Variants in ANXA7 observed in about 807,000 individuals in gnomAD.
ANXA7 encodes annexin A7, also known as annexin VII.
A neutral mutation model predicts 64.9 loss-of-function variants in ANXA7; 55 were observed. The observed-to-expected ratio is 0.85, with a 90% CI of 0.68 to 1.06. ANXA7 has a LOEUF of 1.06. ANXA7 is among the 50% of genes least tolerant of loss of function. ANXA7 has a pLI of 0.00. For synonymous variants in ANXA7, 200 were observed against 192.4 expected (o/e 1.04, Z -0.33); for missense variants, 548 against 582.1 (o/e 0.94, Z 0.60).
chr10:73,381,206 C>T (rs1055849113), intron 9 of ANXA7, among the ~76,000 whole-genome samples: 7 of 151,910 alleles, frequency 4.6e-5, no homozygotes, highest in African/African-American at 1.7e-4. Context: ...ACTCAGCCAT[C>T]GAATTATAAT....
At chr10:73,400,684 A>G in intron 2 of ANXA7, 119 bp downstream of exon 2, 2 of 725,262 alleles carry the variant, frequency 2.8e-6, no homozygotes, top group Non-Finnish European at 2.2e-6. Flanking sequence ...ACTTCTACGT[A>G]GTACCTCTGA....
chr10:73,403,749 A>G (rs1002799395), intron 1 of ANXA7, among the ~76,000 whole-genome samples: 2 of 152,234 alleles, frequency 1.3e-5, no homozygotes, highest in African/African-American at 4.8e-5. Context: ...GGGCTGTACC[A>G]ATTTGCATTT....
intron 1 of ANXA7, among the ~76,000 whole-genome samples, chr10:73,402,363 T>C (rs921947730): frequency 4.3e-5 from 6 of 139,332 alleles, no homozygotes; most frequent in African/African-American, 1.6e-4. Flanking sequence ...CCATGCCTGG[T>C]GAATTTTTGT....
At chr10:73,412,636 G>A (rs1239437301) in intron 1 of ANXA7, among the ~76,000 whole-genome samples, 1 of 151,460 alleles carries the variant, frequency 6.6e-6, no homozygotes, top group African/African-American at 2.4e-5. Flanking sequence ...TGGGATTACA[G>A]GCGCGCGCCA....
In ANXA7 at chr10:73,380,111, T is replaced by C; in HGVS notation, c.1009A>G (p.Thr337Ala). 1 of 1,614,158 alleles carries C rather than the reference T, an allele frequency of 6.2e-7. No homozygotes were observed. Among genetic ancestry groups the C allele is most frequent in the Non-Finnish European group, 8.5e-7 (1 of 1,180,022 alleles). Reference protein sequence around the residue: ...LYQAGEGRLGTDESCFNMILA... With the variant: ...LYQAGEGRLGADESCFNMILA... ...ATCATGTTAAAGCAAGATTCATCGG[T>C]CCCTAGTCTCCCCTCACCAGCTTGA... Residue 337 changes from threonine to alanine, a missense_variant, in exon 10 of 13, where the codon ACC becomes GCC. Thr to Ala is a moderately conservative substitution (Grantham distance 58). Coordinates refer to ENST00000372921, the MANE Select transcript of ANXA7 (RefSeq NM_001156.5).
At chr10:73,393,426 G>A (rs1479248609) in intron 5 of ANXA7, among the ~76,000 whole-genome samples, 1 of 152,156 alleles carries the variant, frequency 6.6e-6, no homozygotes, top group Non-Finnish European at 1.5e-5. Flanking sequence ...AAAGAACAAA[G>A]CTGGAGGCAT....
intron 1 of ANXA7, among the ~76,000 whole-genome samples, chr10:73,406,032 T>C (rs968357173): frequency 1.3e-5 from 2 of 152,032 alleles, no homozygotes; most frequent in African/African-American, 4.8e-5. Flanking sequence ...CTCGGCTCAC[T>C]GCAGCTTCCA....
At chr10:73,386,095 T>G (rs945209351) in intron 7 of ANXA7, among the ~76,000 whole-genome samples, 11 of 151,672 alleles carry the variant, frequency 7.3e-5, no homozygotes, top group African/African-American at 2.7e-4. Flanking sequence ...ACACCTATAA[T>G]TCCAGCTACT....
intron 2 of ANXA7, 128 bp downstream of exon 2, chr10:73,400,675 C>T: frequency 1.5e-6 from 1 of 669,838 alleles, no homozygotes; most frequent in South Asian, 2.8e-5. Flanking sequence ...CCTTTCCTCA[C>T]TTCTACGTAG....
At chr10:73,392,937 G>A (rs1198489819) in intron 5 of ANXA7, among the ~76,000 whole-genome samples, 1 of 152,178 alleles carries the variant, frequency 6.6e-6, no homozygotes, top group African/African-American at 2.4e-5. Context: ...TGACATGATT[G>A]TATATTTAGA....
intron 5 of ANXA7, 120 bp from the exon 6 acceptor site, chr10:73,388,534 A>C: frequency 1.4e-6 from 1 of 721,664 alleles, no homozygotes. Flanking sequence ...GTTTTAAGGC[A>C]AGGATATGAG....
At position 73,377,773 on chromosome 10, in the gene ANXA7, G is replaced by GGGGT. The variant is rs1554815379; in HGVS notation, c.1278+1137_1278+1138insACCC. ...ACTACCATGCCGGGGGGTGGGTGTG[G>GGGGT]GTGTGTGTGTGTGTGTGTGTGTGTG... On this transcript the variant is annotated intron_variant, in intron 12 of 12. Coordinates refer to ENST00000372921, the MANE Select transcript of ANXA7 (RefSeq NM_001156.5). Among the ~76,000 whole-genome samples, 707 of 124,834 alleles carry GGGGT rather than the reference G, an allele frequency of 5.7e-3. 33 individuals are homozygous for GGGGT. The highest frequency in any genetic ancestry group is 0.021 in the African/African-American group (661 of 31,108). The allele number at this position is 124,834 out of a possible 152,430, so 81.9% of individuals were successfully genotyped here.
At chr10:73,381,956 G>A (rs1251277980) in intron 9 of ANXA7, among the ~76,000 whole-genome samples, 3 of 151,096 alleles carry the variant, frequency 2.0e-5, no homozygotes, top group Non-Finnish European at 4.4e-5. Flanking sequence ...TCAGCTCACT[G>A]CAACCTCTGC....
intron 12 of ANXA7, among the ~76,000 whole-genome samples, chr10:73,376,533 T>C (rs1466250805): frequency 1.3e-5 from 2 of 152,176 alleles, no homozygotes; most frequent in Non-Finnish European, 2.9e-5. Context: ...AAGGATGCCA[T>C]GAAATGGGAA....
intron 5 of ANXA7, among the ~76,000 whole-genome samples, chr10:73,394,217 G>A (rs1330012138): frequency 6.6e-6 from 1 of 152,320 alleles, no homozygotes; most frequent in Admixed American, 6.5e-5. Flanking sequence ...AACAACACGT[G>A]CTGGAGAGGA....
Position 73,387,775 on chromosome 10 carries a change from C to T in ANXA7, c.547G>A (p.Glu183Lys). 6.2e-7 allele frequency: 1 copy of T among 1,610,822 alleles called. No individual in the cohort carries two copies. Among genetic ancestry groups the T allele is most frequent in the Non-Finnish European group, 8.5e-7 (1 of 1,179,396 alleles). Reference protein sequence around the residue: ...RKAMKGFGTDEQAIVDVVANR... With the variant: ...RKAMKGFGTDKQAIVDVVANR... ...GCCACCACATCCACAATTGCCTGCTCATCTGTCCCTGGAAGAACCACACAT... is the reference window on the plus strand; with the variant it reads ...GCCACCACATCCACAATTGCCTGCTTATCTGTCCCTGGAAGAACCACACAT... The change falls in exon 7 of 13, where the codon GAG (glutamate) becomes AAG (lysine). Residue 183 changes from glutamate (E) to lysine (K), a missense_variant. Physicochemically the swap from Glu to Lys is moderately conservative, Grantham distance 56 (BLOSUM62 1). Transcript: ENST00000372921.
intron 1 of ANXA7, among the ~76,000 whole-genome samples, chr10:73,402,779 A>G (rs1305781566): frequency 6.6e-6 from 1 of 151,596 alleles, no homozygotes; most frequent in Non-Finnish European, 1.5e-5. Flanking sequence ...TGATATGTCT[A>G]TATTTGTATC....
At chr10:73,384,055 A>G (rs1196555617) in intron 7 of ANXA7, among the ~76,000 whole-genome samples, 1 of 151,950 alleles carries the variant, frequency 6.6e-6, no homozygotes, top group Non-Finnish European at 1.5e-5. Context: ...TGGGAGGCAG[A>G]GCTTGCAGTG....
At chr10:73,391,125 G>A (rs1260059443) in intron 5 of ANXA7, among the ~76,000 whole-genome samples, 4 of 147,804 alleles carry the variant, frequency 2.7e-5, no homozygotes, top group Admixed American at 6.8e-5. Flanking sequence ...CCCAGATCGC[G>A]CCACTGCACA....
Sources: allele counts gnomAD v4.1 joint callset (sites outside exome capture counted in the v4.1 genomes callset), GRCh38; gene constraint gnomAD v4.1.1; transcripts MANE v1.5; gene names NCBI Gene and HGNC (gene_info 2026-07-23, HGNC 2026-07-21).